PARP8: variants seen among roughly 807,000 people sequenced by gnomAD.
PARP8 encodes the protein poly(ADP-ribose) polymerase family member 8.
PARP8 carries 51 observed loss-of-function variants against 124.1 expected under a neutral mutation model. That is an observed-to-expected ratio of 0.41 (90% CI 0.33 to 0.52). The LOEUF (loss-of-function observed/expected upper bound fraction) is 0.52. PARP8 is among the 20% of genes least tolerant of loss of function. PARP8 has a pLI of 0.21. For synonymous variants in PARP8, 391 were observed against 361.5 expected (o/e 1.08, Z -0.93); for missense variants, 860 against 1,018.9 (o/e 0.84, Z 2.12).
chr5:50,758,519 A>G (rs545336116), intron 3 of PARP8, among the ~76,000 whole-genome samples: 34 of 152,312 alleles, frequency 2.2e-4, no homozygotes, highest in African/African-American at 8.2e-4. Context: ...TTGTGTTCTC[A>G]TTGTACCGAC....
chr5:50,697,073 C>T (rs938410672), intron 2 of PARP8, among the ~76,000 whole-genome samples: 1 of 152,006 alleles, frequency 6.6e-6, no homozygotes, highest in Non-Finnish European at 1.5e-5. Flanking sequence ...TGGAGACCAT[C>T]CTGGCCAACA....
Position 50,748,882 on chromosome 5 carries a change from TG to T in PARP8, c.147-1266del, listed in dbSNP as rs1758909368. ...ACACATCTTTGTCTTTCACTCAAAT[TG>T]GGAAATTTTTAGCTCTTCTTGATAT... On this transcript the variant is annotated intron_variant, in intron 2 of 25. Coordinates refer to ENST00000281631, the MANE Select transcript of PARP8 (RefSeq NM_024615.4). 2.6e-5 allele frequency among the ~76,000 whole-genome samples: 4 copies of T among 152,294 alleles called. No homozygotes were observed. The South Asian group carries it at 8.3e-4, about 32-fold the overall frequency.
intron 2 of PARP8, among the ~76,000 whole-genome samples, chr5:50,673,384 T>C (rs1475864294): frequency 6.6e-6 from 1 of 152,214 alleles, no homozygotes; most frequent in Admixed American, 6.5e-5. Context: ...TTAAACTCCA[T>C]TTTCTTCATG....
intron 2 of PARP8, among the ~76,000 whole-genome samples, chr5:50,709,955 T>TACAC (rs1554047144): frequency 0.064 from 6,515 of 102,412 alleles, 366 homozygotes; most frequent in Admixed American, 0.1. Flanking sequence ...TATATATATA[T>TACAC]ACACATACAT....
At position 50,669,670 on chromosome 5, in the gene PARP8, G is replaced by C. The variant is rs550402647; in HGVS notation, c.146+1545G>C. 3.3e-5 allele frequency among the ~76,000 whole-genome samples: 5 copies of C among 152,330 alleles called. No individual in the cohort carries two copies. The South Asian group carries it at 1.0e-3, about 32-fold the overall frequency. On this transcript the variant is annotated intron_variant, in intron 2 of 25. Coordinates refer to ENST00000281631, the MANE Select transcript of PARP8 (RefSeq NM_024615.4). ...TTGGACTCTAGTGTTAACATAGCTAGAGGTGGAAAAGGGAGCAAGGCCAGG... is the reference window on the plus strand; with the variant it reads ...TTGGACTCTAGTGTTAACATAGCTACAGGTGGAAAAGGGAGCAAGGCCAGG...
At chr5:50,684,452 G>A (rs1486321313) in intron 2 of PARP8, among the ~76,000 whole-genome samples, 4 of 140,502 alleles carry the variant, frequency 2.8e-5, no homozygotes, top group East Asian at 4.4e-4. Context: ...ATGAAATCAG[G>A]GGCTGAAAAA....
chr5:50,712,180 A>C lies in PARP8; in HGVS notation c.147-37971A>C, dbSNP rs542923450. Among the ~76,000 whole-genome samples the C allele has an allele frequency of 1.4e-3, 207 of 152,326 alleles. 1 individual carries two copies. Among genetic ancestry groups the C allele is most frequent in the African/African-American group, 4.9e-3 (205 of 41,588 alleles). ...AACTAAATTATGTTATGTCCAAAAT[A>C]ATAAGAACAGCATATGCTGACCTTT... is the stretch of plus-strand genomic sequence containing the variant. On this transcript the variant is annotated intron_variant, in intron 2 of 25. Coordinates refer to ENST00000281631, the MANE Select transcript of PARP8 (RefSeq NM_024615.4).
intron 10 of PARP8, among the ~76,000 whole-genome samples, chr5:50,792,973 C>A (rs931505543): frequency 3.3e-5 from 5 of 152,118 alleles, no homozygotes; most frequent in Admixed American, 3.3e-4. Flanking sequence ...TCACATCTGT[C>A]CCTTTTGAAT....
chr5:50,702,261 A>T (rs1753680408), intron 2 of PARP8, among the ~76,000 whole-genome samples: 1 of 152,184 alleles, frequency 6.6e-6, no homozygotes, highest in Non-Finnish European at 1.5e-5. Flanking sequence ...ATTACATCAC[A>T]GTTGATCACA....
chr5:50,696,925 T>C (rs1258224665), intron 2 of PARP8, among the ~76,000 whole-genome samples: 1 of 152,062 alleles, frequency 6.6e-6, no homozygotes, highest in Non-Finnish European at 1.5e-5. Context: ...TTTTTCTCCT[T>C]TATGGTAGTG....
chr5:50,789,103 C>T (rs1171476853), intron 10 of PARP8, among the ~76,000 whole-genome samples: 1 of 152,144 alleles, frequency 6.6e-6, no homozygotes, highest in African/African-American at 2.4e-5. Flanking sequence ...TAGCAGCCAC[C>T]GGCCCTGGAC....
intron 7 of PARP8, among the ~76,000 whole-genome samples, chr5:50,766,219 T>G (rs545255075): frequency 6.6e-6 from 1 of 152,346 alleles, no homozygotes; most frequent in African/African-American, 2.4e-5. Context: ...TACTGGCTGT[T>G]GAATCATACA....
chr5:50,746,705 C>T (rs1758582036), intron 2 of PARP8, among the ~76,000 whole-genome samples: 1 of 152,088 alleles, frequency 6.6e-6, no homozygotes, highest in Non-Finnish European at 1.5e-5. Flanking sequence ...GGCATTAACA[C>T]AATGTTTGGC....
chr5:50,688,262 G>A (rs1752094141), intron 2 of PARP8, among the ~76,000 whole-genome samples: 1 of 152,100 alleles, frequency 6.6e-6, no homozygotes, highest in African/African-American at 2.4e-5. Flanking sequence ...GGAAAACCAG[G>A]GAACAGTTGG....
rs554933961 is a variant in PARP8 at position 50,808,286 on chromosome 5, A to G, written c.1576-7146A>G. On this transcript the variant is annotated intron_variant, in intron 14 of 25. Transcript: ENST00000281631. ...AGCAGGAGGGAAGAAGAGGAAGGGC[A>G]GGCAGTGAGGCAAATGGTTACATTC... 9.2e-5 allele frequency among the ~76,000 whole-genome samples: 14 copies of G among 151,834 alleles called. No homozygotes were observed. In the South Asian group the frequency reaches 2.9e-3, roughly 32 times the overall value.
intron 9 of PARP8, among the ~76,000 whole-genome samples, chr5:50,781,509 C>T (rs1041038854): frequency 3.3e-5 from 5 of 152,136 alleles, no homozygotes; most frequent in Admixed American, 2.6e-4. Flanking sequence ...ACTTTAGAGT[C>T]GGCAGCTCTG....
chr5:50,771,943 T>TAA (rs1180676192), intron 7 of PARP8, among the ~76,000 whole-genome samples: 1 of 152,202 alleles, frequency 6.6e-6, no homozygotes, highest in Non-Finnish European at 1.5e-5. Context: ...TACTGTGCTA[T>TAA]AACTTATTTC....
At chr5:50,767,756 A>G (rs1244129025) in intron 7 of PARP8, among the ~76,000 whole-genome samples, 2 of 152,170 alleles carry the variant, frequency 1.3e-5, no homozygotes, top group East Asian at 1.9e-4. Context: ...GAGTTTGCAT[A>G]TTTCTTGGCC....
chr5:50,833,902 T>G, intron 23 of PARP8, 77 bp from the exon 24 acceptor site: 1 of 1,215,352 alleles, frequency 8.2e-7, no homozygotes, highest in East Asian at 2.4e-5. Context: ...TAGTGACTAT[T>G]ACTTTTTAAT....
Sources: gnomAD v4.1 joint callset for allele counts (sites outside exome capture counted in the v4.1 genomes callset) on GRCh38, gnomAD v4.1.1 for gene constraint, MANE v1.5 for transcripts, NCBI Gene and HGNC (gene_info 2026-07-23, HGNC 2026-07-21) for gene names.